Variants in SOX5 observed in about 807,000 individuals in gnomAD.
SOX5 encodes transcription factor SOX-5.
Under a neutral mutation model 92.0 loss-of-function variants are expected in SOX5, and 9 were observed. That is an observed-to-expected ratio of 0.10 (90% confidence interval 0.06 to 0.17). SOX5 has a LOEUF of 0.17. Ranked by LOEUF, SOX5 falls within the 10% of genes least tolerant of loss-of-function variation. SOX5 has a pLI of 1.00. For synonymous variants in SOX5, 344 were observed against 336.3 expected, an observed-to-expected ratio of 1.02 and a Z score of -0.25; for missense variants, 642 against 944.5, an observed-to-expected ratio of 0.68 and a Z score of 4.20.
chr12:23,828,115 G>A (rs1356077765), intron 3 of SOX5, among the ~76,000 whole-genome samples: 1 of 152,116 alleles, frequency 6.6e-6, no homozygotes, highest in South Asian at 2.1e-4. Flanking sequence ...TTTTTTATGT[G>A]TAGATACACA....
chr12:24,272,495 T>C (rs1014641499), intron 3 of SOX5, among the ~76,000 whole-genome samples: 2 of 152,196 alleles, frequency 1.3e-5, no homozygotes, highest in African/African-American at 2.4e-5. Context: ...TTACGATTTA[T>C]CTTTGCTGTA....
chr12:24,530,486 A>G (rs1035752494), intron 1 of SOX5, among the ~76,000 whole-genome samples: 1 of 152,118 alleles, frequency 6.6e-6, no homozygotes, highest in Non-Finnish European at 1.5e-5. Flanking sequence ...CCCCATCTCT[A>G]CTAAACATAC....
chr12:23,838,532 C>A (rs933341292), intron 3 of SOX5, among the ~76,000 whole-genome samples: 1 of 151,990 alleles, frequency 6.6e-6, no homozygotes, highest in African/African-American at 2.4e-5. Flanking sequence ...GAAACTAACA[C>A]TTTTAGATGC....
intron 1 of SOX5, among the ~76,000 whole-genome samples, chr12:24,520,473 A>G (rs1275858353): frequency 1.3e-5 from 2 of 151,602 alleles, no homozygotes; most frequent in Non-Finnish European, 2.9e-5. Context: ...AAGAAAAAAA[A>G]TCTATAATAG....
chr12:23,725,776 C>G (rs1003852184), intron 6 of SOX5, among the ~76,000 whole-genome samples: 1 of 152,066 alleles, frequency 6.6e-6, no homozygotes, highest in African/African-American at 2.4e-5. Context: ...GATGGGCAGA[C>G]AATCTACCAA....
chr12:24,210,039 A>G (rs1311703958), intron 4 of SOX5, among the ~76,000 whole-genome samples: 1 of 150,624 alleles, frequency 6.6e-6, no homozygotes, highest in African/African-American at 2.4e-5. Flanking sequence ...AAAAAAAAAA[A>G]AAAAAAAGAA....
intron 6 of SOX5, among the ~76,000 whole-genome samples, chr12:23,685,793 G>A (rs563990494): frequency 4.4e-4 from 67 of 152,220 alleles, no homozygotes; most frequent in African/African-American, 1.6e-3. Context: ...AAAATAATTT[G>A]AAACTACTGA....
intron 6 of SOX5, among the ~76,000 whole-genome samples, chr12:23,727,798 CCTT>C (rs1026777965): frequency 6.6e-5 from 10 of 152,024 alleles, no homozygotes; most frequent in Non-Finnish European, 1.2e-4. Context: ...TAAAGTGGCT[CCTT>C]CTGAGTAAAA....
intron 4 of SOX5, among the ~76,000 whole-genome samples, chr12:24,197,138 G>T (rs1233314653): frequency 6.6e-6 from 1 of 152,122 alleles, no homozygotes; most frequent in Non-Finnish European, 1.5e-5. Context: ...ATTTTGGAAG[G>T]CAGAAAGAAG....
intron 4 of SOX5, among the ~76,000 whole-genome samples, chr12:23,976,748 C>T (rs1435719879): frequency 2.6e-5 from 4 of 151,880 alleles, no homozygotes; most frequent in African/African-American, 4.8e-5. Context: ...ACATCAGTCC[C>T]GCTGATAACT....
intron 4 of SOX5, among the ~76,000 whole-genome samples, chr12:24,202,057 T>C (rs1032076663): frequency 6.6e-6 from 1 of 152,232 alleles, no homozygotes; most frequent in African/African-American, 2.4e-5. Flanking sequence ...TTGGTGTGAA[T>C]AATTACAAAC....
At chr12:24,492,847 T>A (rs1001896038) in intron 1 of SOX5, among the ~76,000 whole-genome samples, 2 of 152,186 alleles carry the variant, frequency 1.3e-5, no homozygotes, top group Non-Finnish European at 2.9e-5. Context: ...TGAGTGTGTA[T>A]TAAAATTTTT....
intron 1 of SOX5, among the ~76,000 whole-genome samples, chr12:24,376,979 G>C (rs1957352416): frequency 6.6e-6 from 1 of 151,274 alleles, no homozygotes; most frequent in Non-Finnish European, 1.5e-5. Context: ...CCAAAGTGTT[G>C]GGATTACAGG....
intron 4 of SOX5, among the ~76,000 whole-genome samples, chr12:24,181,062 C>T (rs1385636202): frequency 1.3e-5 from 2 of 152,136 alleles, no homozygotes; most frequent in Non-Finnish European, 1.5e-5. Context: ...GTCTACATCC[C>T]CTGCTTCTCA....
At chr12:24,031,018 C>T (rs895328623) in intron 4 of SOX5, among the ~76,000 whole-genome samples, 1 of 151,776 alleles carries the variant, frequency 6.6e-6, no homozygotes, top group East Asian at 1.9e-4. Context: ...TGTTAGAATG[C>T]TATTATGAAA....
At chr12:24,348,049 CAAAAAAAAA>C (rs1182462748) in intron 2 of SOX5, among the ~76,000 whole-genome samples, 1 of 72,722 alleles carries the variant, frequency 1.4e-5, no homozygotes, top group African/African-American at 4.7e-5. Context: ...TACAGCTAAT[CAAAAAAAAA>C]AAAAAAAAAA....
chr12:23,586,698 A>C lies in SOX5; in HGVS notation c.1165-10860T>G, dbSNP rs1467295928. On this transcript the variant is annotated intron_variant, in intron 9 of 14. Transcript: ENST00000451604. ...CTTACAAAAATATATCAAGGGCATGAGTTGTTGGAAGATTAAGTCTCAAAA... is the reference window on the plus strand; with the variant it reads ...CTTACAAAAATATATCAAGGGCATGCGTTGTTGGAAGATTAAGTCTCAAAA... Among the ~76,000 whole-genome samples, 4 of 150,994 alleles carry C rather than the reference A, an allele frequency of 2.6e-5. No individual in the cohort carries two copies. The South Asian group carries it at 8.4e-4, about 32-fold the overall frequency.
intron 4 of SOX5, among the ~76,000 whole-genome samples, chr12:24,053,644 A>T (rs1349076936): frequency 6.6e-6 from 1 of 152,150 alleles, no homozygotes; most frequent in Non-Finnish European, 1.5e-5. Flanking sequence ...ATTTATACTC[A>T]ATTTTCCCAA....
At chr12:24,485,101 G>T (rs558498020) in intron 1 of SOX5, among the ~76,000 whole-genome samples, 25 of 152,234 alleles carry the variant, frequency 1.6e-4, no homozygotes, top group South Asian at 1.0e-3. Flanking sequence ...CAGAAAAGTG[G>T]AGATGGGCTC....
Sources: gnomAD v4.1 joint callset for allele counts (sites outside exome capture counted in the v4.1 genomes callset) on GRCh38, gnomAD v4.1.1 for gene constraint, MANE v1.5 for transcripts, NCBI Gene and HGNC (gene_info 2026-07-23, HGNC 2026-07-21) for gene names.